The following WWOX variants were observed in gnomAD, a reference collection of about 807,000 sequenced individuals.
The protein encoded by WWOX is WW domain-containing oxidoreductase.
A neutral mutation model predicts 46.2 loss-of-function variants in WWOX; 69 were observed. The ratio of observed to expected loss-of-function variants is 1.49; its 90% CI spans 1.23 to 1.82. The LOEUF (loss-of-function observed/expected upper bound fraction) is 1.82. Ranked by LOEUF, WWOX falls within the 40% of genes most tolerant of loss-of-function variation. The pLI is 0.00. For missense variants in WWOX, 919 were observed against 542.6 expected (o/e 1.69, Z -6.89); for synonymous variants, 359 against 202.6 (o/e 1.77, Z -6.56).
At chr16:78,832,398 A>T (rs1805380700) in intron 8 of WWOX, among the ~76,000 whole-genome samples, 1 of 152,162 alleles carries the variant, frequency 6.6e-6, no homozygotes, top group African/African-American at 2.4e-5. Context: ...CAAGCACCGT[A>T]ACTTTAGCTA....
chr16:78,485,827 C>T (rs1032077951), intron 8 of WWOX, among the ~76,000 whole-genome samples: 4 of 152,196 alleles, frequency 2.6e-5, no homozygotes, highest in African/African-American at 7.2e-5. Flanking sequence ...CACCGCCACT[C>T]CTGGATGCAC....
intron 8 of WWOX, among the ~76,000 whole-genome samples, chr16:78,489,013 A>C (rs1031728381): frequency 6.6e-6 from 1 of 152,228 alleles, no homozygotes; most frequent in Non-Finnish European, 1.5e-5. Flanking sequence ...CAGAGTGTCT[A>C]AATCCTGCTC....
At position 79,184,429 on chromosome 16, in the gene WWOX, C is replaced by T. The variant is rs1175706371; in HGVS notation, c.1057-27179C>T. On this transcript the variant is annotated intron_variant, in intron 8 of 8. Coordinates refer to ENST00000566780, the MANE Select transcript of WWOX (RefSeq NM_016373.4). Reference sequence around the variant, plus strand: ...TAATCAGTCACCATGTAAGGAAATTCACCAGACCACCAATTTCCACGCCTT... The same window carrying T: ...TAATCAGTCACCATGTAAGGAAATTTACCAGACCACCAATTTCCACGCCTT... Among the ~76,000 whole-genome samples the T allele has an allele frequency of 3.3e-5, 5 of 152,324 alleles. No homozygotes were observed. The South Asian group carries it at 1.0e-3, about 32-fold the overall frequency.
At chr16:78,646,451 A>G (rs2046846163) in intron 8 of WWOX, among the ~76,000 whole-genome samples, 1 of 151,962 alleles carries the variant, frequency 6.6e-6, no homozygotes, top group Admixed American at 6.6e-5. Context: ...TTTTTGAGAC[A>G]AAGTTTCACT....
At chr16:79,167,424 G>C (rs1389109960) in intron 8 of WWOX, among the ~76,000 whole-genome samples, 1 of 152,100 alleles carries the variant, frequency 6.6e-6, no homozygotes, top group Non-Finnish European at 1.5e-5. Flanking sequence ...TGAGGGCTCA[G>C]ATGGCTCTGA....
chr16:78,883,715 C>T (rs1381978794), intron 8 of WWOX, among the ~76,000 whole-genome samples: 1 of 148,780 alleles, frequency 6.7e-6, no homozygotes, highest in Non-Finnish European at 1.5e-5. Context: ...CAGAGCAAGA[C>T]TCTGTCTCAA....
intron 8 of WWOX, among the ~76,000 whole-genome samples, chr16:78,926,979 A>G (rs2045513126): frequency 6.6e-6 from 1 of 151,994 alleles, no homozygotes; most frequent in Non-Finnish European, 1.5e-5. Flanking sequence ...TATTTTCTGT[A>G]GAGATGGGGT....
intron 8 of WWOX, among the ~76,000 whole-genome samples, chr16:78,859,034 ATATATATATATATATG>A (rs869271181): frequency 0.083 from 2,236 of 26,880 alleles, 61 homozygotes; most frequent in Middle Eastern, 0.21. Flanking sequence ...AAAAATATAT[ATATATATATATATATG>A]TATATATATA....
At chr16:78,412,501 G>C (rs1567557021) in intron 6 of WWOX, among the ~76,000 whole-genome samples, 2 of 152,154 alleles carry the variant, frequency 1.3e-5, no homozygotes, top group Admixed American at 6.5e-5. Context: ...AGATTTTAGA[G>C]ATGGAATGAA....
chr16:78,426,499 A>C (rs879845910), intron 7 of WWOX, among the ~76,000 whole-genome samples: 1 of 152,188 alleles, frequency 6.6e-6, no homozygotes, highest in African/African-American at 2.4e-5. Flanking sequence ...AAATCTCAGC[A>C]TCATTTAAAA....
intron 8 of WWOX, among the ~76,000 whole-genome samples, chr16:78,662,573 CAG>C (rs968138809): frequency 6.6e-5 from 10 of 152,154 alleles, no homozygotes; most frequent in African/African-American, 2.4e-4. Flanking sequence ...TGTGAGAAAA[CAG>C]AAGGAGCACC....
intron 8 of WWOX, among the ~76,000 whole-genome samples, chr16:78,508,849 C>A (rs1280580514): frequency 6.6e-6 from 1 of 152,208 alleles, no homozygotes; most frequent in East Asian, 1.9e-4. Flanking sequence ...CCTCTCTCTC[C>A]TTGGTCTCTG....
At chr16:79,073,199 C>T (rs980462237) in intron 8 of WWOX, among the ~76,000 whole-genome samples, 19 of 145,468 alleles carry the variant, frequency 1.3e-4, no homozygotes, top group African/African-American at 4.3e-4. Flanking sequence ...ATTACTGAGA[C>T]ACCGTTTTAC....
chr16:78,274,588 A>G (rs2079542887), intron 5 of WWOX, among the ~76,000 whole-genome samples: 2 of 152,272 alleles, frequency 1.3e-5, no homozygotes, highest in African/African-American at 4.8e-5. Context: ...TGGTGAACAC[A>G]TCCAATGTTC....
intron 5 of WWOX, among the ~76,000 whole-genome samples, chr16:78,373,141 A>C (rs1291407531): frequency 6.6e-6 from 1 of 152,152 alleles, no homozygotes; most frequent in Non-Finnish European, 1.5e-5. Context: ...TTGTAAAAGC[A>C]GCGTGGAGCA....
At chr16:78,696,346 C>T (rs13339404) in intron 8 of WWOX, among the ~76,000 whole-genome samples, 14,016 of 152,196 alleles carry the variant, frequency 0.092, 2,224 homozygotes, top group African/African-American at 0.32. Flanking sequence ...AGGCAGGGTC[C>T]TAAGTGACTT....
At chr16:78,394,406 A>G (rs2082242979) in intron 6 of WWOX, among the ~76,000 whole-genome samples, 1 of 151,368 alleles carries the variant, frequency 6.6e-6, no homozygotes, top group African/African-American at 2.4e-5. Context: ...TACATTTTCC[A>G]TCCTAAGGCA....
At chr16:78,680,188 T>C (rs1189390616) in intron 8 of WWOX, among the ~76,000 whole-genome samples, 2 of 152,132 alleles carry the variant, frequency 1.3e-5, no homozygotes, top group Non-Finnish European at 2.9e-5. Flanking sequence ...GGCTGGTGGA[T>C]AGCTTGAGCC....
At chr16:78,956,605 T>C (rs2151307432) in intron 8 of WWOX, among the ~76,000 whole-genome samples, 1 of 149,162 alleles carries the variant, frequency 6.7e-6, no homozygotes, top group Non-Finnish European at 1.5e-5. Flanking sequence ...TATTGTATCA[T>C]ATCATATCAT....
Sources: allele counts gnomAD v4.1 joint callset (sites outside exome capture counted in the v4.1 genomes callset), GRCh38; gene constraint gnomAD v4.1.1; transcripts MANE v1.5; gene names NCBI Gene and HGNC (gene_info 2026-07-23, HGNC 2026-07-21).